AFAP1L2: variants seen among roughly 807,000 people sequenced by gnomAD.
AFAP1L2 encodes actin filament associated protein 1 like 2.
In AFAP1L2, 46 loss-of-function variants were observed where a neutral mutation model predicts 99.3. That is an observed-to-expected ratio of 0.46 (90% confidence interval 0.37 to 0.59). AFAP1L2 has a LOEUF of 0.59. AFAP1L2 is among the 20% of genes least tolerant of loss of function. The pLI, the probability that AFAP1L2 is intolerant of heterozygous loss-of-function variation, is 0.00. For synonymous variants in AFAP1L2, 397 were observed against 419.1 expected (o/e 0.95, Z 0.64); for missense variants, 959 against 1,034.9 (o/e 0.93, Z 1.01).
intron 1 of AFAP1L2, among the ~76,000 whole-genome samples, chr10:114,350,083 C>A (rs951729088): frequency 3.9e-5 from 6 of 152,178 alleles, no homozygotes; most frequent in Non-Finnish European, 8.8e-5. Flanking sequence ...TCCAGTGGAA[C>A]AAAACTCCCC....
chr10:114,319,630 A>C, intron 5 of AFAP1L2: 2 of 1,289,706 alleles, frequency 1.6e-6, no homozygotes, highest in South Asian at 2.5e-5. Context: ...AGTGGGGAGA[A>C]ATCCGCCAGA....
intron 1 of AFAP1L2, among the ~76,000 whole-genome samples, chr10:114,347,425 T>C (rs1252462859): frequency 6.6e-6 from 1 of 152,250 alleles, no homozygotes; most frequent in Admixed American, 6.5e-5. Flanking sequence ...GTATCTACTA[T>C]ACGTCTGGCC....
rs989774798 is a variant in AFAP1L2, at chr10:114,371,531, A to T, written c.17-30800T>A. Among the ~76,000 whole-genome samples the T allele has an allele frequency of 5.9e-5, 9 of 152,020 alleles. No individual in the cohort carries two copies. In the East Asian group the frequency reaches 7.7e-4, roughly 13 times the overall value. On this transcript the variant is annotated intron_variant, in intron 1 of 18. Coordinates refer to ENST00000304129, the MANE Select transcript of AFAP1L2 (RefSeq NM_001001936.3). ...TCCTATGTTTACTTTTTCTTTTTTT[A>T]AAAAAAACAAATACAAATAAAAACA...
At chr10:114,367,020 C>T (rs1391385210) in intron 1 of AFAP1L2, among the ~76,000 whole-genome samples, 1 of 152,138 alleles carries the variant, frequency 6.6e-6, no homozygotes, top group Non-Finnish European at 1.5e-5. Flanking sequence ...CGAGCCTCCT[C>T]CATGTGTTTT....
chr10:114,327,179 T>A (rs71500819), intron 4 of AFAP1L2, among the ~76,000 whole-genome samples: 19,216 of 64,340 alleles, frequency 0.3, 5,747 homozygotes, highest in East Asian at 0.84. Context: ...ATATATTTTT[T>A]TTTTAGGCAG....
chr10:114,371,636 A>C (rs1342351983), intron 1 of AFAP1L2, among the ~76,000 whole-genome samples: 1 of 151,956 alleles, frequency 6.6e-6, no homozygotes, highest in Non-Finnish European at 1.5e-5. Flanking sequence ...ACAGGGAGGG[A>C]ACATTACACA....
At chr10:114,353,576 G>T (rs760868487) in intron 1 of AFAP1L2, among the ~76,000 whole-genome samples, 11 of 152,334 alleles carry the variant, frequency 7.2e-5, no homozygotes, top group Non-Finnish European at 1.2e-4. Context: ...AGCAAGTTCA[G>T]CGCTCAGAAT....
At chr10:114,342,619 G>T (rs1284211585) in intron 1 of AFAP1L2, among the ~76,000 whole-genome samples, 7 of 152,192 alleles carry the variant, frequency 4.6e-5, no homozygotes, top group African/African-American at 1.7e-4. Context: ...ATGCTACCAT[G>T]TTGGCTTTGG....
At chr10:114,368,076 T>C (rs997658370) in intron 1 of AFAP1L2, among the ~76,000 whole-genome samples, 1 of 152,168 alleles carries the variant, frequency 6.6e-6, no homozygotes, top group Non-Finnish European at 1.5e-5. Context: ...GTAAGGCAGA[T>C]GGATGGATAA....
chr10:114,367,298 G>A (rs914109103), intron 1 of AFAP1L2, among the ~76,000 whole-genome samples: 4 of 152,336 alleles, frequency 2.6e-5, no homozygotes, highest in South Asian at 2.1e-4. Context: ...AGACAGGCAT[G>A]TGGGAATTTA....
At chr10:114,346,461 A>G (rs1175605669) in intron 1 of AFAP1L2, among the ~76,000 whole-genome samples, 1 of 152,178 alleles carries the variant, frequency 6.6e-6, no homozygotes, top group Non-Finnish European at 1.5e-5. Flanking sequence ...CCCTTTCGGG[A>G]TCCAGCCACA....
At chr10:114,282,364 G>A in the AFAP1L2 span, 2 of 651,658 alleles carry the variant, frequency 3.1e-6, no homozygotes, top group Non-Finnish European at 5.6e-6. Flanking sequence ...GCAGAGAAAA[G>A]TTAGGGTAGA....
chr10:114,401,552 A>G (rs2058233942), intron 1 of AFAP1L2, among the ~76,000 whole-genome samples: 1 of 152,242 alleles, frequency 6.6e-6, no homozygotes, highest in South Asian at 2.1e-4. Context: ...CATACAAGAC[A>G]TAGCCATTTT....
At chr10:114,339,017 T>A (rs2048378399) in intron 2 of AFAP1L2, among the ~76,000 whole-genome samples, 1 of 152,334 alleles carries the variant, frequency 6.6e-6, no homozygotes, top group Non-Finnish European at 1.5e-5. Context: ...TTTCCCCCTC[T>A]ATAACAACAG....
At chr10:114,389,948 G>C (rs1266312839) in intron 1 of AFAP1L2, among the ~76,000 whole-genome samples, 2 of 152,162 alleles carry the variant, frequency 1.3e-5, no homozygotes, top group African/African-American at 4.8e-5. Flanking sequence ...TCTGCTCCAA[G>C]TCAGAATTAT....
chr10:114,331,667 CG>C (rs1564893725), intron 4 of AFAP1L2, 135 bp downstream of exon 4: 1 of 546,856 alleles, frequency 1.8e-6, no homozygotes, highest in African/African-American at 2.0e-5. Context: ...TGTCCCTACA[CG>C]TGCCTTGTCC....
intron 1 of AFAP1L2, among the ~76,000 whole-genome samples, chr10:114,358,884 C>T (rs2136439249): frequency 6.6e-6 from 1 of 151,580 alleles, no homozygotes; most frequent in East Asian, 2.0e-4. Context: ...CACTGCCCTC[C>T]AGCCTGGGCA....
chr10:114,300,245 G>A lies in AFAP1L2; in HGVS notation c.1906C>T (p.Pro636Ser). 6.2e-7 allele frequency: 1 copy of A among 1,614,150 alleles called. No homozygotes were observed. The highest frequency in any genetic ancestry group is 8.5e-7 in the Non-Finnish European group (1 of 1,180,050). ...TTCACAGGTGGGCTGGCACCAGGTG[G>A]GGTGGCCACCACGGCATCCGGGCAG... Reference protein sequence around the residue: ...PSCPDAVVATPPGASPPVKDR... With the variant: ...PSCPDAVVATSPGASPPVKDR... The change falls in exon 15 of 19, where the codon CCA (proline) becomes TCA (serine). Residue 636 changes from proline to serine, a missense_variant. Around this residue, in one of 2 missense-constraint regions of AFAP1L2, gnomAD observed 576 missense variants for 562.1 expected, o/e 1.02. Coordinates refer to ENST00000304129, the MANE Select transcript of AFAP1L2 (RefSeq NM_001001936.3).
intron 7 of AFAP1L2, among the ~76,000 whole-genome samples, chr10:114,311,528 T>C (rs115934360): frequency 0.028 from 4,189 of 152,290 alleles, 185 homozygotes; most frequent in African/African-American, 0.092. Context: ...CTGTGTGACA[T>C]TGAGCCTGAG....
Sources: allele counts gnomAD v4.1 joint callset (sites outside exome capture counted in the v4.1 genomes callset), GRCh38; gene constraint gnomAD v4.1.1; regional missense constraint gnomAD v4.1.1; transcripts MANE v1.5; gene names NCBI Gene and HGNC (gene_info 2026-07-23, HGNC 2026-07-21).